PTPRD: variants seen among roughly 807,000 people sequenced by gnomAD.
The protein encoded by PTPRD is receptor-type tyrosine-protein phosphatase delta.
PTPRD carries 34 observed loss-of-function variants against 214.5 expected under a neutral mutation model. The ratio of observed to expected loss-of-function variants is 0.16; its 90% confidence interval spans 0.12 to 0.21. The LOEUF (loss-of-function observed/expected upper bound fraction) is 0.21, where lower values mean the gene tolerates loss of function less well. Ranked by LOEUF, PTPRD falls within the 10% of genes least tolerant of loss-of-function variation. PTPRD has a pLI of 1.00. For synonymous variants in PTPRD, 1,128 were observed against 845.7 expected, an observed-to-expected ratio of 1.33 and a Z score of -5.79; for missense variants, 2,545 against 2,398.7, an observed-to-expected ratio of 1.06 and a Z score of -1.27.
At chr9:8,807,424 G>A (rs955269434) in intron 11 of PTPRD, among the ~76,000 whole-genome samples, 1 of 152,098 alleles carries the variant, frequency 6.6e-6, no homozygotes, top group Non-Finnish European at 1.5e-5. Context: ...CTTATTTGGA[G>A]ATACAAACCA....
At chr9:10,164,641 G>A (rs1013552730) in intron 3 of PTPRD, among the ~76,000 whole-genome samples, 1 of 151,520 alleles carries the variant, frequency 6.6e-6, no homozygotes, top group Non-Finnish European at 1.5e-5. Context: ...AGAATTAATT[G>A]TTAAGTGGGC....
intron 7 of PTPRD, among the ~76,000 whole-genome samples, chr9:9,585,304 C>T (rs575597217): frequency 7.0e-4 from 107 of 152,044 alleles, no homozygotes; most frequent in Non-Finnish European, 1.2e-3. Context: ...AATATATTTT[C>T]GGATCCTGTC....
At chr9:9,202,499 G>A (rs1488388975) in intron 9 of PTPRD, among the ~76,000 whole-genome samples, 1 of 152,142 alleles carries the variant, frequency 6.6e-6, no homozygotes, top group East Asian at 1.9e-4. Flanking sequence ...ACTGTCACAA[G>A]TTATTAGATC....
At chr9:9,366,906 T>C (rs2058042414) in intron 9 of PTPRD, among the ~76,000 whole-genome samples, 2 of 151,394 alleles carry the variant, frequency 1.3e-5, no homozygotes, top group Admixed American at 1.3e-4. Flanking sequence ...TTTTGTGTAT[T>C]TCCTGAATTT....
chr9:9,250,887 C>A (rs2099975199), intron 9 of PTPRD, among the ~76,000 whole-genome samples: 1 of 152,046 alleles, frequency 6.6e-6, no homozygotes, highest in South Asian at 2.1e-4. Context: ...TATTTGAATT[C>A]TTTATCTTTA....
chr9:9,245,820 T>C (rs985473608), intron 9 of PTPRD, among the ~76,000 whole-genome samples: 3 of 152,068 alleles, frequency 2.0e-5, no homozygotes, highest in Non-Finnish European at 4.4e-5. Context: ...CCAGGAACGT[T>C]TGAATGTTTT....
intron 8 of PTPRD, among the ~76,000 whole-genome samples, chr9:9,441,503 C>CAA (rs1555408368): frequency 6.6e-6 from 1 of 152,036 alleles, no homozygotes; most frequent in Non-Finnish European, 1.5e-5. Flanking sequence ...CTTCAAAAGG[C>CAA]AAAAGGTGAT....
At chr9:8,717,478 T>C (rs1017596875) in intron 12 of PTPRD, among the ~76,000 whole-genome samples, 3 of 152,178 alleles carry the variant, frequency 2.0e-5, no homozygotes, top group Non-Finnish European at 4.4e-5. Flanking sequence ...TCTATTTGAC[T>C]TCACAGCAGT....
chr9:10,088,601 G>A (rs539155308), intron 3 of PTPRD, among the ~76,000 whole-genome samples: 13 of 151,876 alleles, frequency 8.6e-5, no homozygotes, highest in African/African-American at 3.1e-4. Flanking sequence ...AGGAACTGGA[G>A]TTTTACTGAA....
intron 3 of PTPRD, among the ~76,000 whole-genome samples, chr9:10,113,692 C>A (rs1206950835): frequency 6.6e-6 from 1 of 152,060 alleles, no homozygotes; most frequent in African/African-American, 2.4e-5. Context: ...TGGCAAACAC[C>A]AAATGGGGTA....
intron 12 of PTPRD, among the ~76,000 whole-genome samples, chr9:8,720,093 G>C (rs1044101856): frequency 5.9e-5 from 9 of 152,168 alleles, no homozygotes; most frequent in African/African-American, 1.9e-4. Context: ...GCCTCAGCTA[G>C]AAGATTTTAA....
intron 12 of PTPRD, among the ~76,000 whole-genome samples, chr9:8,650,459 A>T (rs1166484201): frequency 1.4e-5 from 2 of 146,486 alleles, no homozygotes; most frequent in Non-Finnish European, 3.0e-5. Flanking sequence ...TGGGAGGCAG[A>T]GGTTGCGGTG....
chr9:9,418,224 T>C (rs1460598814), intron 8 of PTPRD, among the ~76,000 whole-genome samples: 1 of 152,014 alleles, frequency 6.6e-6, no homozygotes, highest in South Asian at 2.1e-4. Flanking sequence ...TGCTCAATGA[T>C]GTATTTCTGA....
At chr9:10,220,448 C>T (rs996711314) in intron 3 of PTPRD, among the ~76,000 whole-genome samples, 1 of 151,840 alleles carries the variant, frequency 6.6e-6, no homozygotes, top group African/African-American at 2.4e-5. Context: ...AATACCCAGG[C>T]AAGTATATCT....
intron 5 of PTPRD, among the ~76,000 whole-genome samples, chr9:9,811,750 T>A (rs1205173212): frequency 1.3e-5 from 2 of 152,150 alleles, no homozygotes; most frequent in Non-Finnish European, 2.9e-5. Flanking sequence ...AACCTACTCC[T>A]GATGAAGATG....
At chr9:10,016,393 A>ATAGC (rs145613848) in intron 4 of PTPRD, among the ~76,000 whole-genome samples, 2 of 149,902 alleles carry the variant, frequency 1.3e-5, no homozygotes, top group East Asian at 3.9e-4. Context: ...AGATAGATAG[A>ATAGC]TAGACAGATA....
chr9:9,242,599 C>T (rs539970251), intron 9 of PTPRD, among the ~76,000 whole-genome samples: 1 of 152,054 alleles, frequency 6.6e-6, no homozygotes, highest in Non-Finnish European at 1.5e-5. Flanking sequence ...TTTGATCTTC[C>T]ATCACTGATA....
Position 10,030,995 on chromosome 9 carries a change from G to GA in PTPRD, c.-472+2722dup, listed in dbSNP as rs932676011. Among the ~76,000 whole-genome samples the GA allele has an allele frequency of 2.1e-4, 32 of 152,104 alleles. 1 individual carries two copies. The highest frequency in any genetic ancestry group is 4.0e-4 in the Non-Finnish European group (27 of 68,014). ...CCTTTGTGAAGTGAATGACTACTCAGAAAAAACCCAATGCAAAATGAAAGA... is the reference window on the plus strand; with the variant it reads ...CCTTTGTGAAGTGAATGACTACTCAGAAAAAAACCCAATGCAAAATGAAAGA... On this transcript the variant is annotated intron_variant, in intron 4 of 45. Coordinates refer to ENST00000381196, the MANE Select transcript of PTPRD (RefSeq NM_002839.4).
chr9:8,332,988 T>TTCAC (rs1215822577), intron 43 of PTPRD, among the ~76,000 whole-genome samples: 1 of 152,156 alleles, frequency 6.6e-6, no homozygotes, highest in East Asian at 1.9e-4. Context: ...TCCTTTATCA[T>TTCAC]TCACTCATAT....
Sources: gnomAD v4.1 joint callset for allele counts (sites outside exome capture counted in the v4.1 genomes callset) on GRCh38, gnomAD v4.1.1 for gene constraint, MANE v1.5 for transcripts, NCBI Gene and HGNC (gene_info 2026-07-23, HGNC 2026-07-21) for gene names.